The following SEMA5A variants were observed in gnomAD, a reference collection of about 807,000 sequenced individuals.
The protein encoded by SEMA5A is semaphorin-5A.
Under a neutral mutation model 135.5 loss-of-function variants are expected in SEMA5A, and 55 were observed. The observed-to-expected ratio is 0.41, with a 90% CI of 0.33 to 0.51. The LOEUF is 0.51. SEMA5A is among the 20% of genes least tolerant of loss of function. The pLI is 0.37. For synonymous variants in SEMA5A, 580 were observed against 546.5 expected, an observed-to-expected ratio of 1.06 and a Z score of -0.85; for missense variants, 1,290 against 1,419.9, an observed-to-expected ratio of 0.91 and a Z score of 1.47.
chr5:9,178,833 C>T (rs190038168), intron 11 of SEMA5A, among the ~76,000 whole-genome samples: 22 of 152,248 alleles, frequency 1.4e-4, no homozygotes, highest in African/African-American at 5.3e-4. Context: ...CTTGCAGATT[C>T]GTCATCAAAT....
intron 1 of SEMA5A, among the ~76,000 whole-genome samples, chr5:9,443,975 C>T (rs1203950255): frequency 6.6e-6 from 1 of 152,242 alleles, no homozygotes; most frequent in Non-Finnish European, 1.5e-5. Flanking sequence ...TACCCCACCC[C>T]TTCTCTCCTC....
chr5:9,047,545 T>A (rs982099810), intron 21 of SEMA5A, among the ~76,000 whole-genome samples: 1 of 152,192 alleles, frequency 6.6e-6, no homozygotes, highest in African/African-American at 2.4e-5. Flanking sequence ...GAATATGATT[T>A]TCTGCTGTTG....
chr5:9,197,770 GTGTGTGTGTGTGT>G (rs1745490379), intron 9 of SEMA5A, among the ~76,000 whole-genome samples: 2 of 139,360 alleles, frequency 1.4e-5, no homozygotes, highest in Admixed American at 7.3e-5. Context: ...GTGTGTGTGT[GTGTGTGTGTGTGT>G]GTTTTAACCC....
chr5:9,335,085 C>T (rs1045639558), intron 4 of SEMA5A, among the ~76,000 whole-genome samples: 18 of 151,934 alleles, frequency 1.2e-4, no homozygotes, highest in Admixed American at 1.0e-3. Context: ...ACTCTAGGGA[C>T]GCTGGGATGG....
intron 11 of SEMA5A, among the ~76,000 whole-genome samples, chr5:9,160,777 G>A (rs570291234): frequency 1.3e-5 from 2 of 152,168 alleles, no homozygotes; most frequent in Non-Finnish European, 2.9e-5. Flanking sequence ...TCTACAATCT[G>A]AGTCATTAGG....
At chr5:9,507,332 C>G (rs1469235597) in intron 1 of SEMA5A, among the ~76,000 whole-genome samples, 1 of 152,170 alleles carries the variant, frequency 6.6e-6, no homozygotes, top group Non-Finnish European at 1.5e-5. Context: ...TGTGAGCAGT[C>G]TTAAAGAATA....
chr5:9,228,171 T>C (rs40665), intron 6 of SEMA5A, among the ~76,000 whole-genome samples: 35,124 of 152,058 alleles, frequency 0.23, 4,508 homozygotes, highest in African/African-American at 0.33. Context: ...CCATGCACTG[T>C]AATGAGGACA....
rs148498192 is a variant in SEMA5A, at chr5:9,482,738, A to C, written c.-174-44886T>G. ...TTGGCTCTCACAAGGTAGGAGGAAC[A>C]GCTCCAGCACAGAGCACCCCTGGCA... On this transcript the variant is annotated intron_variant, in intron 1 of 22. Transcript: ENST00000382496. Among the ~76,000 whole-genome samples, 493 of 152,354 alleles carry C rather than the reference A, an allele frequency of 3.2e-3. 2 individuals are homozygous for C. The South Asian group carries it at 0.042, about 13-fold the overall frequency.
At chr5:9,162,560 GTGTGTA>G (rs1560977191) in intron 11 of SEMA5A, among the ~76,000 whole-genome samples, 47 of 27,962 alleles carry the variant, frequency 1.7e-3, no homozygotes, top group African/African-American at 4.0e-3. Flanking sequence ...ATGTGTGTGT[GTGTGTA>G]TATATATATA....
rs1408445904 is a variant in SEMA5A, at chr5:9,122,785, G to T, written c.1652C>A (p.Pro551His). The stretch of plus-strand genomic sequence containing the variant: ...GGCGCTGCCATCTGTGTGCGTGCAA[G>T]GCGTCCACGGAGACCACACACCAAA... ...GHFGVWSPWT[P>H]CTHTDGSAVG... Residue 551 changes from proline to histidine, a missense_variant, in exon 14 of 23, where the codon CCT becomes CAT. Coordinates refer to ENST00000382496, the MANE Select transcript of SEMA5A (RefSeq NM_003966.3). 6.2e-7 allele frequency: 1 copy of T among 1,612,804 alleles called. No homozygotes were observed. The highest frequency in any genetic ancestry group is 8.5e-7 in the Non-Finnish European group (1 of 1,179,552).
chr5:9,133,499 G>A (rs1302866965), intron 13 of SEMA5A, among the ~76,000 whole-genome samples: 1 of 152,110 alleles, frequency 6.6e-6, no homozygotes, highest in South Asian at 2.1e-4. Flanking sequence ...ACATAGTTTT[G>A]TGTAATGAAA....
At chr5:9,212,895 C>T (rs1468942796) in intron 8 of SEMA5A, among the ~76,000 whole-genome samples, 1 of 152,204 alleles carries the variant, frequency 6.6e-6, no homozygotes, top group Non-Finnish European at 1.5e-5. Context: ...TCTATTCCAG[C>T]TGCTGTAACA....
chr5:9,043,178 A>C, intron 22 of SEMA5A, 162 bp from the exon 23 acceptor site: 1 of 626,220 alleles, frequency 1.6e-6, no homozygotes, highest in Non-Finnish European at 2.6e-6. Flanking sequence ...TATTTGCCCC[A>C]TGGAGGACTT....
chr5:9,508,315 A>T (rs1459380304), intron 1 of SEMA5A, among the ~76,000 whole-genome samples: 1 of 152,146 alleles, frequency 6.6e-6, no homozygotes, highest in East Asian at 1.9e-4. Context: ...TAGTCACCGA[A>T]TCGTGTACAT....
At chr5:9,128,767 T>C (rs1741248775) in intron 13 of SEMA5A, among the ~76,000 whole-genome samples, 1 of 152,234 alleles carries the variant, frequency 6.6e-6, no homozygotes, top group South Asian at 2.1e-4. Context: ...GAAGATGTAA[T>C]CTGAAGCACT....
intron 1 of SEMA5A, among the ~76,000 whole-genome samples, chr5:9,508,167 C>A (rs979283391): frequency 1.3e-5 from 2 of 152,096 alleles, no homozygotes; most frequent in African/African-American, 4.8e-5. Flanking sequence ...ACCCTGCATT[C>A]CACAAACAAC....
At chr5:9,047,907 G>A (rs1455705290) in intron 21 of SEMA5A, among the ~76,000 whole-genome samples, 2 of 152,104 alleles carry the variant, frequency 1.3e-5, no homozygotes, top group East Asian at 1.9e-4. Context: ...CTTTGCACCA[G>A]GTTCTCCTGG....
chr5:9,099,689 G>T (rs1412777753), intron 16 of SEMA5A, among the ~76,000 whole-genome samples: 2 of 152,168 alleles, frequency 1.3e-5, no homozygotes, highest in Non-Finnish European at 2.9e-5. Flanking sequence ...AAAGGGGAGG[G>T]GAAATACAAA....
chr5:9,094,296 T>A (rs1271150784), intron 16 of SEMA5A, among the ~76,000 whole-genome samples: 1 of 122,418 alleles, frequency 8.2e-6, no homozygotes, highest in South Asian at 2.5e-4. Context: ...TTTCTTTTCT[T>A]CCACATGCAA....
Sources: gnomAD v4.1 joint callset for allele counts (sites outside exome capture counted in the v4.1 genomes callset) on GRCh38, gnomAD v4.1.1 for gene constraint, MANE v1.5 for transcripts, NCBI Gene and HGNC (gene_info 2026-07-23, HGNC 2026-07-21) for gene names.